The following ST18 variants were observed in gnomAD, a reference collection of about 807,000 sequenced individuals.
ST18 encodes the protein suppression of tumorigenicity 18 protein.
A neutral mutation model predicts 110.0 loss-of-function variants in ST18; 50 were observed. The observed-to-expected ratio is 0.45, with a 90% CI of 0.36 to 0.58. ST18 has a LOEUF of 0.58. ST18 is among the 20% of genes least tolerant of loss of function. ST18 has a pLI of 0.00. For missense variants in ST18, 1,306 were observed against 1,280.1 expected, an observed-to-expected ratio of 1.02 and a Z score of -0.31; for synonymous variants, 461 against 452.4, an observed-to-expected ratio of 1.02 and a Z score of -0.24.
At chr8:52,252,697 C>T (rs986572066) in intron 2 of ST18, among the ~76,000 whole-genome samples, 20 of 151,892 alleles carry the variant, frequency 1.3e-4, no homozygotes, top group African/African-American at 4.8e-4. Context: ...GAGTGAATCG[C>T]TTTTATGTGC....
intron 8 of ST18, among the ~76,000 whole-genome samples, chr8:52,211,581 T>A (rs1335699470): frequency 6.6e-6 from 1 of 151,988 alleles, no homozygotes; most frequent in East Asian, 1.9e-4. Flanking sequence ...TAATTTTTTA[T>A]ATTTTAGTAG....
chr8:52,263,943 C>T (rs146620732), intron 2 of ST18, among the ~76,000 whole-genome samples: 8,489 of 151,768 alleles, frequency 0.056, 799 homozygotes, highest in African/African-American at 0.2. Flanking sequence ...GGATTACATG[C>T]GTGTGCCACC....
intron 2 of ST18, among the ~76,000 whole-genome samples, chr8:52,308,265 T>A (rs1170938828): frequency 6.6e-6 from 1 of 152,258 alleles, no homozygotes; most frequent in Non-Finnish European, 1.5e-5. Context: ...TGCACAGAGC[T>A]ATGCCACTCT....
intron 8 of ST18, among the ~76,000 whole-genome samples, chr8:52,182,802 AAGG>A (rs1447098971): frequency 1.3e-5 from 2 of 152,278 alleles, no homozygotes; most frequent in Middle Eastern, 3.4e-3. Flanking sequence ...AGGACTGAAG[AAGG>A]AGGAGAAGGA....
chr8:52,148,057 T>C (rs557492469), intron 16 of ST18, among the ~76,000 whole-genome samples: 48 of 152,238 alleles, frequency 3.2e-4, no homozygotes, highest in African/African-American at 1.0e-3. Context: ...GTAACCTCTG[T>C]TTTTTGGCAC....
At chr8:52,247,050 T>C (rs1172683031) in intron 2 of ST18, among the ~76,000 whole-genome samples, 1 of 152,178 alleles carries the variant, frequency 6.6e-6, no homozygotes, top group Non-Finnish European at 1.5e-5. Flanking sequence ...CCTTATTCTC[T>C]AGGAAGCATT....
chr8:52,184,632 C>T (rs2071259072), intron 8 of ST18, among the ~76,000 whole-genome samples: 1 of 152,284 alleles, frequency 6.6e-6, no homozygotes, highest in Admixed American at 6.5e-5. Context: ...AGAAAAGATA[C>T]ATTAGGAAAC....
intron 3 of ST18, among the ~76,000 whole-genome samples, chr8:52,229,146 C>T (rs140175173): frequency 6.6e-6 from 1 of 152,158 alleles, no homozygotes; most frequent in Non-Finnish European, 1.5e-5. Context: ...GGAATTTACT[C>T]ATAGGATTCA....
intron 2 of ST18, among the ~76,000 whole-genome samples, chr8:52,316,604 T>C (rs2096031614): frequency 6.6e-6 from 1 of 152,206 alleles, no homozygotes; most frequent in Admixed American, 6.5e-5. Flanking sequence ...ACTGTAGACA[T>C]TTTAGACTTA....
intron 2 of ST18, among the ~76,000 whole-genome samples, chr8:52,297,861 A>G (rs1287684286): frequency 6.6e-6 from 1 of 152,250 alleles, no homozygotes; most frequent in Admixed American, 6.5e-5. Flanking sequence ...CATTACCACA[A>G]CTATGAGTAA....
chr8:52,383,697 T>G (rs1835484603), intron 2 of ST18, among the ~76,000 whole-genome samples: 1 of 152,194 alleles, frequency 6.6e-6, no homozygotes. Context: ...TCCACCCGCC[T>G]TGGCTTCCCA....
chr8:52,207,266 G>T (rs1030493905), intron 8 of ST18, among the ~76,000 whole-genome samples: 7 of 152,184 alleles, frequency 4.6e-5, no homozygotes, highest in Non-Finnish European at 1.0e-4. Context: ...CAAGAAGATT[G>T]CTTGAGCTCA....
At chr8:52,264,311 G>A (rs2094799459) in intron 2 of ST18, among the ~76,000 whole-genome samples, 1 of 152,100 alleles carries the variant, frequency 6.6e-6, no homozygotes, top group South Asian at 2.1e-4. Context: ...TGAATCTAGT[G>A]TGAAAATCAC....
intron 8 of ST18, among the ~76,000 whole-genome samples, chr8:52,189,955 C>G (rs1236171122): frequency 2.0e-5 from 3 of 152,168 alleles, no homozygotes; most frequent in Non-Finnish European, 4.4e-5. Context: ...TAAAACTTCT[C>G]CCATTCTGTT....
chr8:52,138,098 A>G (rs2053237593), intron 17 of ST18, among the ~76,000 whole-genome samples: 1 of 151,036 alleles, frequency 6.6e-6, no homozygotes, highest in Non-Finnish European at 1.5e-5. Context: ...TGTCTCAAAA[A>G]AAAAAAAAAA....
chr8:52,232,283 G>A (rs190738701), intron 2 of ST18, among the ~76,000 whole-genome samples: 6 of 152,254 alleles, frequency 3.9e-5, no homozygotes, highest in South Asian at 4.1e-4. Context: ...GAAGCCATTC[G>A]TGTCAAGAAA....
chr8:52,137,284 C>T (rs2052828027), intron 18 of ST18, 137 bp downstream of exon 18: 4 of 839,138 alleles, frequency 4.8e-6, no homozygotes, highest in Non-Finnish European at 7.3e-6. Context: ...AATTTTATTT[C>T]TGAAAAAGAA....
At chr8:52,393,675 G>A (rs1164656733) in intron 2 of ST18, 1 of 152,070 alleles carries the variant, frequency 6.6e-6, no homozygotes, top group African/African-American at 2.4e-5. Flanking sequence ...CTGAGGTCAG[G>A]ATTCTGAGAC....
At chr8:52,364,589 C>A (rs1420140373) in intron 2 of ST18, among the ~76,000 whole-genome samples, 1 of 152,204 alleles carries the variant, frequency 6.6e-6, no homozygotes, top group Admixed American at 6.5e-5. Context: ...GCTCTATTAT[C>A]ATTATGACCA....
Sources: allele counts gnomAD v4.1 joint callset (sites outside exome capture counted in the v4.1 genomes callset), GRCh38; gene constraint gnomAD v4.1.1; transcripts MANE v1.5; gene names NCBI Gene and HGNC (gene_info 2026-07-23, HGNC 2026-07-21).